The following NCOA1 variants were observed in gnomAD, a reference collection of about 807,000 sequenced individuals.
The protein encoded by NCOA1 is nuclear receptor coactivator 1.
NCOA1 carries 35 observed loss-of-function variants against 150.9 expected under a neutral mutation model. That is an observed-to-expected ratio of 0.23 (90% CI 0.18 to 0.31). The LOEUF (loss-of-function observed/expected upper bound fraction) is 0.31. NCOA1 is among the 10% of genes least tolerant of loss of function. The pLI, the probability that NCOA1 is intolerant of heterozygous loss-of-function variation, is 1.00. For missense variants in NCOA1, 1,491 were observed against 1,749.3 expected (o/e 0.85, Z 2.63); for synonymous variants, 590 against 630.0 (o/e 0.94, Z 0.95).
chr2:24,664,989 A>G (rs1022022052), intron 5 of NCOA1, among the ~76,000 whole-genome samples: 2 of 152,210 alleles, frequency 1.3e-5, no homozygotes, highest in African/African-American at 4.8e-5. Context: ...ACCAGGGCTA[A>G]AGACTGGAAG....
chr2:24,710,541 T>G (rs1032228794), intron 13 of NCOA1, among the ~76,000 whole-genome samples: 3 of 152,224 alleles, frequency 2.0e-5, no homozygotes, highest in African/African-American at 4.8e-5. Context: ...AAGTTTAAAG[T>G]AAGTCATTTT....
chr2:24,497,084 C>T (rs1239194810), intron 1 of NCOA1, among the ~76,000 whole-genome samples: 1 of 152,154 alleles, frequency 6.6e-6, no homozygotes, highest in Non-Finnish European at 1.5e-5. Context: ...CTACATATTA[C>T]ATTTTATAAA....
At chr2:24,709,733 T>C (rs867847571) in intron 13 of NCOA1, among the ~76,000 whole-genome samples, 2 of 152,344 alleles carry the variant, frequency 1.3e-5, no homozygotes. Flanking sequence ...TTCACAAATG[T>C]TTTTAACAGC....
intron 13 of NCOA1, among the ~76,000 whole-genome samples, chr2:24,708,648 A>G (rs1284133811): frequency 6.6e-6 from 1 of 152,230 alleles, no homozygotes; most frequent in Non-Finnish European, 1.5e-5. Context: ...GAGACAGAAT[A>G]TAGACATTCA....
chr2:24,561,836 A>G (rs1220828237), intron 1 of NCOA1, among the ~76,000 whole-genome samples: 1 of 152,226 alleles, frequency 6.6e-6, no homozygotes, highest in Non-Finnish European at 1.5e-5. Context: ...CAAAGAAACA[A>G]TAATTACTTA....
intron 5 of NCOA1, among the ~76,000 whole-genome samples, chr2:24,663,065 G>T: frequency 6.6e-6 from 1 of 151,998 alleles, no homozygotes; most frequent in Non-Finnish European, 1.5e-5. Flanking sequence ...AAAGTTCTGG[G>T]ATTACAGATG....
chr2:24,689,770 T>C (rs527625193), intron 8 of NCOA1, among the ~76,000 whole-genome samples: 19 of 152,350 alleles, frequency 1.2e-4, no homozygotes, highest in Admixed American at 9.8e-4. Context: ...AATCCATTTA[T>C]TCAGTACATG....
chr2:24,522,138 A>G (rs1310220965), intron 1 of NCOA1, among the ~76,000 whole-genome samples: 1 of 152,200 alleles, frequency 6.6e-6, no homozygotes, highest in African/African-American at 2.4e-5. Context: ...TCTTTGTTGA[A>G]TGGATGAACT....
At chr2:24,705,257 A>G (rs1487259069) in intron 12 of NCOA1, 24 bp downstream of exon 12, 3 of 1,609,868 alleles carry the variant, frequency 1.9e-6, no homozygotes, top group Non-Finnish European at 2.6e-6. Flanking sequence ...GGAGAGCTTC[A>G]TATGAAATAA....
At position 24,631,647 on chromosome 2, in the gene NCOA1, C is replaced by A. The variant is rs1669715530; in HGVS notation, c.-174-12319C>A. Among the ~76,000 whole-genome samples the A allele has an allele frequency of 2.6e-5, 4 of 152,110 alleles. No individual in the cohort carries two copies. The South Asian group carries it at 8.3e-4, about 32-fold the overall frequency. Reference sequence around the variant, plus strand: ...GAGAGGGAACATTAAGCCACAATTTCTTTTGACAGTCATATCATAAGGCAA... The same window carrying A: ...GAGAGGGAACATTAAGCCACAATTTATTTTGACAGTCATATCATAAGGCAA... On this transcript the variant is annotated intron_variant, in intron 3 of 22. Coordinates refer to ENST00000348332, the MANE Select transcript of NCOA1 (RefSeq NM_003743.5).
chr2:24,747,923 A>C (rs1053407007), intron 19 of NCOA1, among the ~76,000 whole-genome samples: 1 of 151,912 alleles, frequency 6.6e-6, no homozygotes, highest in Admixed American at 6.6e-5. Flanking sequence ...CCTGACCAAC[A>C]TGGAGAAACC....
chr2:24,656,195 A>G (rs180946809), intron 4 of NCOA1, among the ~76,000 whole-genome samples: 1 of 152,178 alleles, frequency 6.6e-6, no homozygotes, highest in Admixed American at 6.5e-5. Flanking sequence ...GAGACAAGAA[A>G]TACATGAGAA....
chr2:24,513,604 G>A (rs534467637), intron 1 of NCOA1, among the ~76,000 whole-genome samples: 22 of 152,240 alleles, frequency 1.4e-4, no homozygotes, highest in East Asian at 9.6e-4. Context: ...GTGTGTGTGC[G>A]TGCACACGTG....
chr2:24,530,980 C>G (rs1664857985), intron 1 of NCOA1, among the ~76,000 whole-genome samples: 1 of 152,108 alleles, frequency 6.6e-6, no homozygotes, highest in Admixed American at 6.5e-5. Flanking sequence ...TGTTAAAGTG[C>G]AAGATTACCT....
intron 11 of NCOA1, 55 bp downstream of exon 11, chr2:24,697,853 A>T: frequency 6.6e-7 from 1 of 1,522,556 alleles, no homozygotes; most frequent in Non-Finnish European, 9.0e-7. Context: ...CTGATATTTG[A>T]ATAGTTCGTA....
chr2:24,719,029 A>C (rs35407197), intron 14 of NCOA1, among the ~76,000 whole-genome samples: 2 of 62,300 alleles, frequency 3.2e-5, no homozygotes, highest in African/African-American at 5.6e-5. Flanking sequence ...ACTCTGTCCC[A>C]AAAAAAAAAA....
intron 2 of NCOA1, among the ~76,000 whole-genome samples, chr2:24,579,987 C>G (rs893299535): frequency 6.6e-6 from 1 of 152,050 alleles, no homozygotes; most frequent in Non-Finnish European, 1.5e-5. Context: ...TGCCAAGAAC[C>G]AGAACAAGAG....
chr2:24,605,049 A>G (rs185704241), intron 3 of NCOA1, among the ~76,000 whole-genome samples: 1 of 152,308 alleles, frequency 6.6e-6, no homozygotes, highest in East Asian at 1.9e-4. Flanking sequence ...TAGAACATAC[A>G]CATTTGTTGA....
At chr2:24,766,499 G>A (rs995214323) in intron 22 of NCOA1, among the ~76,000 whole-genome samples, 3 of 152,118 alleles carry the variant, frequency 2.0e-5, no homozygotes, top group Admixed American at 6.5e-5. Context: ...CGGCAGCTGG[G>A]GAGTGAGTTA....
Sources: allele counts gnomAD v4.1 joint callset (sites outside exome capture counted in the v4.1 genomes callset), GRCh38; gene constraint gnomAD v4.1.1; transcripts MANE v1.5; gene names NCBI Gene and HGNC (gene_info 2026-07-23, HGNC 2026-07-21).